The following FAT1 variants were observed in gnomAD, a reference collection of about 807,000 sequenced individuals.
FAT1 encodes the protein protocadherin Fat 1.
Under a neutral mutation model 329.8 loss-of-function variants are expected in FAT1, and 171 were observed. The observed-to-expected ratio is 0.52, with a 90% confidence interval of 0.46 to 0.59. The LOEUF (loss-of-function observed/expected upper bound fraction) is 0.59. FAT1 is among the 20% of genes least tolerant of loss of function. FAT1 has a pLI of 0.00. For missense variants in FAT1, 5,672 were observed against 5,774.4 expected (o/e 0.98, Z 0.57); for synonymous variants, 2,233 against 2,228.6 (o/e 1.00, Z -0.06).
Position 186,645,419 on chromosome 4 carries a change from A to ATCTC in FAT1, c.3581-5637_3581-5636insGAGA, listed in dbSNP as rs1431706419. 1.5e-3 allele frequency among the ~76,000 whole-genome samples: 112 copies of ATCTC among 73,322 alleles called. 6 individuals carry two copies. Among genetic ancestry groups the ATCTC allele is most frequent in the African/African-American group, 6.5e-3 (104 of 16,092 alleles). 48.1% of individuals were successfully genotyped at this position (73,322 alleles called of 152,430 possible). ...TATATATATATATATATATATATATATATGCCTGTAAAAAACTGAGATATA... is the reference window on the plus strand; with the variant it reads ...TATATATATATATATATATATATATATCTCTATGCCTGTAAAAAACTGAGATATA... On this transcript the variant is annotated intron_variant, in intron 3 of 26. Transcript: ENST00000441802.
At position 186,604,479 on chromosome 4, in the gene FAT1, A is replaced by G. The variant is rs2126439147; in HGVS notation, c.10446T>C (p.Thr3482=). 1 of 1,613,870 alleles carries G rather than the reference A, an allele frequency of 6.2e-7. No homozygotes were observed. The highest frequency in any genetic ancestry group is 8.5e-7 in the Non-Finnish European group (1 of 1,179,764). Reference sequence around the variant, plus strand: ...CTTCAAAAGCCTTCTCATCATTTCCAGTTACAATAGTAAAGAAGAAGGGTG... The same window carrying G: ...CTTCAAAAGCCTTCTCATCATTTCCGGTTACAATAGTAAAGAAGAAGGGTG... ...NGPPFFFTIV[T]GNDEKAFEVN... Residue 3482 remains threonine (T), a synonymous_variant, in exon 18 of 27, where the codon ACT becomes ACC. Transcript: ENST00000441802.
At chr4:186,616,672 CTT>C (rs1739729195) in intron 11 of FAT1, among the ~76,000 whole-genome samples, 1 of 152,300 alleles carries the variant, frequency 6.6e-6, no homozygotes, top group Non-Finnish European at 1.5e-5. Context: ...CACGTCGGCA[CTT>C]TGTTTCCCGT....
chr4:186,604,815 G>C (rs1446838446), intron 17 of FAT1, among the ~76,000 whole-genome samples: 3 of 146,320 alleles, frequency 2.1e-5, no homozygotes, highest in Non-Finnish European at 3.0e-5. Flanking sequence ...AAGAAAGGGA[G>C]TGTGAGGAGG....
chr4:186,604,671 A>G, intron 17 of FAT1, 97 bp from the exon 18 acceptor site: 1 of 766,714 alleles, frequency 1.3e-6, no homozygotes, highest in Non-Finnish European at 2.0e-6. Context: ...TAAAATACAT[A>G]CAAAACAAAG....
chr4:186,723,040 G>C (rs889114214), intron 1 of FAT1, among the ~76,000 whole-genome samples: 5 of 152,116 alleles, frequency 3.3e-5, no homozygotes, highest in African/African-American at 9.7e-5. Context: ...CTCTCTAAAA[G>C]AAAGCATTTT....
At position 186,600,198 on chromosome 4, in the gene FAT1, C is replaced by T. The variant is rs1489935444; in HGVS notation, c.11803G>A (p.Gly3935Ser). The change falls in exon 22 of 27, where the codon GGC (glycine) becomes AGC (serine). Residue 3935 changes from glycine (G) to serine (S), a missense_variant. Around this residue, in one of 2 missense-constraint regions of FAT1, gnomAD observed 1,706 missense variants for 1,859.1 expected, o/e 0.92. Coordinates refer to ENST00000441802, the MANE Select transcript of FAT1 (RefSeq NM_005245.4). The part of the protein sequence containing the change: ...LVLDQVHTAS[G>S]TAPGTLKTLN... Reference sequence around the variant, plus strand: ...GTTTTCAGAGTCCCTGGGGCTGTGCCCGATGCAGTATGAACTTGGTCTAGA... The same window carrying T: ...GTTTTCAGAGTCCCTGGGGCTGTGCTCGATGCAGTATGAACTTGGTCTAGA... The T allele has an allele frequency of 6.2e-7, 1 of 1,614,028 alleles. No individual in the cohort carries two copies. The highest frequency in any genetic ancestry group is 2.2e-5 in the East Asian group (1 of 44,886).
chr4:186,628,467 G>C, intron 8 of FAT1, 21 bp downstream of exon 8: 1 of 1,613,418 alleles, frequency 6.2e-7, no homozygotes, highest in Non-Finnish European at 8.5e-7. Flanking sequence ...ATGGTGGGAG[G>C]AGAGCGGGTA....
chr4:186,706,545 C>G lies in FAT1; in HGVS notation c.3265+18G>C, dbSNP rs2126681654. On this transcript the variant is annotated intron_variant, in intron 2 of 26. Coordinates refer to ENST00000441802, the MANE Select transcript of FAT1 (RefSeq NM_005245.4). ...AATGGAAAAGGGCATCAAATGAGAG[C>G]AATAAAAACATATTTACCTGTCTCT... The G allele has an allele frequency of 6.4e-7, 1 of 1,557,218 alleles. No individual in the cohort carries two copies.
At chr4:186,716,276 CTG>C (rs1175467838) in intron 1 of FAT1, among the ~76,000 whole-genome samples, 1 of 152,184 alleles carries the variant, frequency 6.6e-6, no homozygotes, top group African/African-American at 2.4e-5. Context: ...GTTGAGAACT[CTG>C]TGTTCTCCCT....
intron 3 of FAT1, among the ~76,000 whole-genome samples, chr4:186,662,258 T>C (rs1222984189): frequency 1.3e-5 from 2 of 152,232 alleles, no homozygotes; most frequent in East Asian, 3.9e-4. Flanking sequence ...CCTCTGACTT[T>C]TCTCTTATGT....
rs78800100 is a variant in FAT1, at chr4:186,692,933, A to G, written c.3265+13630T>C. Among the ~76,000 whole-genome samples the G allele has an allele frequency of 7.9e-3, 1,197 of 152,312 alleles. 32 individuals carry two copies. In the East Asian group the frequency reaches 0.11, roughly 13 times the overall value. On this transcript the variant is annotated intron_variant, in intron 2 of 26. Transcript: ENST00000441802. ...CTCCGCCTTTCACTTTAGAAACACG[A>G]TAACTGGAATTCTCCAATTCCTTTG...
intron 7 of FAT1, 82 bp downstream of exon 7, chr4:186,633,602 C>T (rs912908275): frequency 1.0e-4 from 152 of 1,470,416 alleles, no homozygotes; most frequent in Non-Finnish European, 1.2e-4. Context: ...CAGAATCCAC[C>T]GCTCATATTG....
intron 6 of FAT1, among the ~76,000 whole-genome samples, chr4:186,634,066 C>T (rs569158913): frequency 6.6e-6 from 1 of 152,302 alleles, no homozygotes; most frequent in South Asian, 2.1e-4. Flanking sequence ...ACTCTGAAAA[C>T]AAAGACATTG....
intron 1 of FAT1, among the ~76,000 whole-genome samples, chr4:186,714,807 C>T (rs1181747620): frequency 1.3e-5 from 2 of 152,216 alleles, no homozygotes; most frequent in Non-Finnish European, 1.5e-5. Context: ...CAGCTGGGCG[C>T]GGTGGCTCAC....
rs373069557 is a variant in FAT1 at position 186,611,633 on chromosome 4, C to T, written c.9606G>A (p.Val3202=). ...TCAGCCTCCTTGGCAAGCCTTGATC[C>T]ACAGCTTTCAAAGAGAGGGTGTATA... ...QAVYTLSLKA[V]DQGLPRRLTA... is the part of the protein sequence containing the mutation. The change falls in exon 14 of 27, where the codon GTG becomes GTA. Residue 3202 remains valine (V), a synonymous_variant. Coordinates refer to ENST00000441802, the MANE Select transcript of FAT1 (RefSeq NM_005245.4). 19 of 1,613,224 alleles carry T rather than the reference C, an allele frequency of 1.2e-5. No homozygotes were observed. The highest frequency in any genetic ancestry group is 1.6e-5 in the Non-Finnish European group (19 of 1,179,652).
intron 5 of FAT1, 127 bp downstream of exon 5, chr4:186,636,458 T>C (rs1740820976): frequency 7.6e-6 from 8 of 1,046,858 alleles, no homozygotes; most frequent in Non-Finnish European, 8.4e-6. Context: ...CATTGCCTAA[T>C]GGGGCCAGCA....
intron 26 of FAT1, among the ~76,000 whole-genome samples, chr4:186,595,239 TACC>T (rs1738442368): frequency 6.6e-6 from 1 of 152,124 alleles, no homozygotes; most frequent in Non-Finnish European, 1.5e-5. Context: ...AACCTTGTAA[TACC>T]CAAGGTGCTA....
intron 24 of FAT1, among the ~76,000 whole-genome samples, 167 bp downstream of exon 24, chr4:186,597,515 T>C (rs1295869935): frequency 6.6e-6 from 1 of 152,130 alleles, no homozygotes; most frequent in Non-Finnish European, 1.5e-5. Context: ...ATCTGCTTGA[T>C]AATTCATTTT....
At chr4:186,691,765 G>A (rs1743772900) in intron 2 of FAT1, among the ~76,000 whole-genome samples, 1 of 152,002 alleles carries the variant, frequency 6.6e-6, no homozygotes, top group Admixed American at 6.6e-5. Context: ...CCCTGATTGT[G>A]CCACTGTACT....
Sources: gnomAD v4.1 joint callset for allele counts (sites outside exome capture counted in the v4.1 genomes callset) on GRCh38, gnomAD v4.1.1 for gene constraint, gnomAD v4.1.1 regional missense constraint, MANE v1.5 for transcripts, NCBI Gene and HGNC (gene_info 2026-07-23, HGNC 2026-07-21) for gene names.